NT5E: variants seen among roughly 807,000 people sequenced by gnomAD.
NT5E encodes 5'-nucleotidase.
In NT5E, 53 loss-of-function variants were observed where a neutral mutation model predicts 55.1. The observed-to-expected ratio is 0.96, with a 90% CI of 0.77 to 1.21. The LOEUF is 1.21. Among genes scored for constraint, NT5E ranks in the 50% most tolerant of loss-of-function variants. The pLI, the probability that NT5E is intolerant of heterozygous loss-of-function variation, is 0.00. For synonymous variants in NT5E, 270 were observed against 278.4 expected (o/e 0.97, Z 0.30); for missense variants, 683 against 724.3 (o/e 0.94, Z 0.65).
At chr6:85,460,902 G>T (rs1401838564) in intron 1 of NT5E, among the ~76,000 whole-genome samples, 1 of 152,168 alleles carries the variant, frequency 6.6e-6, no homozygotes, top group Non-Finnish European at 1.5e-5. Context: ...ATTGTCTGCA[G>T]GAGGAAACAC....
At chr6:85,477,514 C>G (rs1193903805) in intron 3 of NT5E, among the ~76,000 whole-genome samples, 1 of 152,144 alleles carries the variant, frequency 6.6e-6, no homozygotes, top group Non-Finnish European at 1.5e-5. Flanking sequence ...CTACAAGCAC[C>G]TGCTGTGTTT....
Position 85,488,623 on chromosome 6 carries a change from C to A in NT5E, c.1105-871C>A, listed in dbSNP as rs867255705. Among the ~76,000 whole-genome samples, 7 of 152,124 alleles carry A rather than the reference C, an allele frequency of 4.6e-5. No homozygotes were observed. In the Middle Eastern group the frequency reaches 0.014, roughly 296 times the overall value. On this transcript the variant is annotated intron_variant, in intron 5 of 8. Coordinates refer to ENST00000257770, the MANE Select transcript of NT5E (RefSeq NM_002526.4). Reference sequence around the variant, plus strand: ...TGAGACTGAGTCTTGCTCTGTCGCCCAGGCTGGAGTGCAGTGGCATGATCT... The same window carrying A: ...TGAGACTGAGTCTTGCTCTGTCGCCAAGGCTGGAGTGCAGTGGCATGATCT...
Position 85,487,084 on chromosome 6 carries a change from GT to G in NT5E, c.950-250del, listed in dbSNP as rs570859268. On this transcript the variant is annotated intron_variant, in intron 4 of 8. Coordinates refer to ENST00000257770, the MANE Select transcript of NT5E (RefSeq NM_002526.4). ...AATGCTGTCCCAGGTGGGCCAATGG[GT>G]AGCTCATACAGATGTGATGAGCTGG... 3.8e-3 allele frequency among the ~76,000 whole-genome samples: 580 copies of G among 152,312 alleles called. 2 individuals are homozygous for G. Among genetic ancestry groups the G allele is most frequent in the African/African-American group, 0.013 (553 of 41,560 alleles).
chr6:85,476,930 A>G (rs1475741311), intron 3 of NT5E, among the ~76,000 whole-genome samples: 1 of 152,146 alleles, frequency 6.6e-6, no homozygotes, highest in Admixed American at 6.5e-5. Context: ...TGATTTTGGA[A>G]AAGGCAACAT....
At chr6:85,485,523 G>A in intron 4 of NT5E, 91 bp downstream of exon 4, 4 of 1,248,784 alleles carry the variant, frequency 3.2e-6, no homozygotes, top group Non-Finnish European at 4.7e-6. Flanking sequence ...TAATGTTTCA[G>A]GAAAAGACTA....
At chr6:85,471,571 TA>T (rs1332297806) in intron 3 of NT5E, 146 bp downstream of exon 3, 1 of 421,666 alleles carries the variant, frequency 2.4e-6, no homozygotes, top group Non-Finnish European at 4.1e-6. Context: ...TAATATACAT[TA>T]AATGGGAACA....
At chr6:85,473,326 G>A (rs572819196) in intron 3 of NT5E, among the ~76,000 whole-genome samples, 1 of 152,280 alleles carries the variant, frequency 6.6e-6, no homozygotes, top group East Asian at 1.9e-4. Flanking sequence ...GATTTAATAT[G>A]TGTAATGAAT....
chr6:85,492,533 A>G (rs1312591235), intron 8 of NT5E, among the ~76,000 whole-genome samples: 1 of 152,216 alleles, frequency 6.6e-6, no homozygotes, highest in Non-Finnish European at 1.5e-5. Context: ...ATCACATTAA[A>G]TCATTTAAAT....
rs114555527 is a variant in NT5E at position 85,472,130 on chromosome 6, A to G, written c.751+705A>G. On this transcript the variant is annotated intron_variant, in intron 3 of 8. Transcript: ENST00000257770. The stretch of plus-strand genomic sequence containing the variant: ...TGGTTCCACCTTTCCCACTTCCCCC[A>G]CCTTGCACTGCATAGATCTTTGAAG... Among the ~76,000 whole-genome samples the G allele has an allele frequency of 8.6e-3, 1,303 of 152,190 alleles. 15 individuals are homozygous for G. The highest frequency in any genetic ancestry group is 0.029 in the African/African-American group (1,223 of 41,516).
chr6:85,463,444 T>A (rs1769132478), intron 1 of NT5E, among the ~76,000 whole-genome samples: 1 of 152,136 alleles, frequency 6.6e-6, no homozygotes, highest in African/African-American at 2.4e-5. Context: ...TGATTTAGGG[T>A]CATAGAAATC....
intron 8 of NT5E, among the ~76,000 whole-genome samples, chr6:85,492,725 TGA>T (rs1200970998): frequency 6.6e-6 from 1 of 152,162 alleles, no homozygotes; most frequent in Non-Finnish European, 1.5e-5. Flanking sequence ...GAAATTCTGT[TGA>T]GAGTCACATT....
At chr6:85,487,746 G>T (rs1298281231) in intron 5 of NT5E, among the ~76,000 whole-genome samples, 1 of 152,204 alleles carries the variant, frequency 6.6e-6, no homozygotes, top group African/African-American at 2.4e-5. Context: ...GCGAGACTCT[G>T]TCTCTAAAAT....
At chr6:85,457,908 G>A (rs528163196) in intron 1 of NT5E, among the ~76,000 whole-genome samples, 1 of 152,244 alleles carries the variant, frequency 6.6e-6, no homozygotes, top group South Asian at 2.1e-4. Context: ...AAGGAGAGAG[G>A]TTAAACAGCA....
In NT5E at chr6:85,450,464, C is replaced by A. The variant is rs764259778; in HGVS notation, c.325C>A (p.Arg109Ser). 1.9e-6 allele frequency: 3 copies of A among 1,595,046 alleles called. No individual in the cohort carries two copies. The highest frequency in any genetic ancestry group is 2.6e-6 in the Non-Finnish European group (3 of 1,172,120). The change falls in exon 1 of 9, where the codon CGC becomes AGC. Residue 109 changes from arginine (R) to serine (S), a missense_variant. Arg to Ser is a moderately radical substitution (Grantham distance 110, BLOSUM62 -1). Transcript: ENST00000257770. The surrounding 1 kb of genome is among the most constrained non-coding windows in gnomAD (Gnocchi z 4.0). ...AEVAHFMNALRYDAMALGNHE... is the reference protein window; with the variant it reads ...AEVAHFMNALSYDAMALGNHE... ...GGTGGCGCACTTCATGAACGCCCTG[C>A]GCTACGATGCCATGGTAAGACCCGA...
At chr6:85,463,250 G>A (rs1769128260) in intron 1 of NT5E, among the ~76,000 whole-genome samples, 1 of 152,140 alleles carries the variant, frequency 6.6e-6, no homozygotes, top group East Asian at 1.9e-4. Flanking sequence ...ATTTGGTGAA[G>A]TTTAGTGTTT....
intron 2 of NT5E, among the ~76,000 whole-genome samples, chr6:85,468,700 T>C (rs1056103344): frequency 2.6e-5 from 4 of 152,046 alleles, no homozygotes; most frequent in Admixed American, 2.0e-4. Flanking sequence ...CAGGGCTAGA[T>C]TGTAGGGCTG....
intron 8 of NT5E, among the ~76,000 whole-genome samples, chr6:85,493,261 T>C (rs565797993): frequency 6.6e-6 from 1 of 152,332 alleles, no homozygotes; most frequent in East Asian, 1.9e-4. Context: ...GTGATTCTAG[T>C]GTACACCCAG....
intron 3 of NT5E, among the ~76,000 whole-genome samples, chr6:85,474,657 A>T (rs1769388906): frequency 6.6e-6 from 1 of 152,226 alleles, no homozygotes; most frequent in African/African-American, 2.4e-5. Context: ...GGCTGGGCAC[A>T]GCAGCTCATG....
At chr6:85,473,833 A>G (rs1236561917) in intron 3 of NT5E, among the ~76,000 whole-genome samples, 1 of 152,216 alleles carries the variant, frequency 6.6e-6, no homozygotes, top group Non-Finnish European at 1.5e-5. Context: ...ATGAACACTC[A>G]AAGGAGTTTC....
Sources: allele counts gnomAD v4.1 joint callset (sites outside exome capture counted in the v4.1 genomes callset), GRCh38; gene constraint gnomAD v4.1.1; non-coding constraint Gnocchi (gnomAD v3.1); transcripts MANE v1.5; gene names NCBI Gene and HGNC (gene_info 2026-07-23, HGNC 2026-07-21).